Variants in RPSA2 observed in about 807,000 individuals in gnomAD.
The protein encoded by RPSA2 is small ribosomal subunit protein uS2B.
chr19:23,761,843 C>A, the RPSA2 span, among the ~76,000 whole-genome samples: 5 of 150,738 alleles, frequency 3.3e-5, no homozygotes, highest in African/African-American at 1.2e-4. Flanking sequence ...CCTGGAATAG[C>A]CACTTCACAT....
At chr19:23,818,702 G>A in the RPSA2 span, 1 of 152,274 alleles carries the variant, frequency 6.6e-6, no homozygotes, top group Non-Finnish European at 1.5e-5. Context: ...CTGGGCCATA[G>A]TATTGCATTA....
chr19:23,819,937 G>C, the RPSA2 span, among the ~76,000 whole-genome samples: 1 of 152,176 alleles, frequency 6.6e-6, no homozygotes, highest in East Asian at 1.9e-4. Context: ...GGCTATGAAT[G>C]CTGGTCCATT....
the RPSA2 span, among the ~76,000 whole-genome samples, chr19:23,777,277 C>T: frequency 6.6e-6 from 1 of 152,198 alleles, no homozygotes; most frequent in Non-Finnish European, 1.5e-5. Flanking sequence ...CCTGCCTAAA[C>T]CCTGCATACA....
At chr19:23,760,233 G>A in the RPSA2 span, among the ~76,000 whole-genome samples, 2 of 152,050 alleles carry the variant, frequency 1.3e-5, no homozygotes, top group African/African-American at 2.4e-5. Context: ...GAGGTGAAGC[G>A]AGCCCCCTAA....
At chr19:23,807,809 T>C in the RPSA2 span, 1 of 395,222 alleles carries the variant, frequency 2.5e-6, no homozygotes, top group Non-Finnish European at 5.0e-6. Flanking sequence ...ATATGTGTGT[T>C]TGTGTGTCTT....
chr19:23,846,976 A>C, the RPSA2 span, among the ~76,000 whole-genome samples: 148,908 of 152,234 alleles, frequency 0.98, 72,919 homozygotes, highest in Middle Eastern at 1. Context: ...GATGTTTTTT[A>C]TTCCTCAGAA....
At chr19:23,858,581 C>A in the RPSA2 span, among the ~76,000 whole-genome samples, 6 of 152,150 alleles carry the variant, frequency 3.9e-5, no homozygotes, top group South Asian at 8.3e-4. Context: ...AAGCAACACA[C>A]AAATTATTTC....
the RPSA2 span, among the ~76,000 whole-genome samples, chr19:23,846,758 G>T: frequency 5.3e-5 from 8 of 152,142 alleles, no homozygotes; most frequent in South Asian, 2.1e-4. Context: ...ATTTATAAAT[G>T]ACTAGATGCT....
chr19:23,808,760 C>G, the RPSA2 span: 50 of 911,940 alleles, frequency 5.5e-5, no homozygotes, highest in Non-Finnish European at 8.0e-5. Flanking sequence ...CTATCTGGAG[C>G]GAGAAAAAGA....
the RPSA2 span, among the ~76,000 whole-genome samples, chr19:23,863,540 G>A: frequency 2.2e-5 from 3 of 138,940 alleles, no homozygotes; most frequent in South Asian, 5.0e-4. Flanking sequence ...CTCCAGTCTG[G>A]GAGACAAGAG....
chr19:23,828,172 T>C, the RPSA2 span: 7 of 622,636 alleles, frequency 1.1e-5, no homozygotes, highest in Non-Finnish European at 2.0e-5. Context: ...TGACTACTTA[T>C]ATGACCATAT....
chr19:23,771,844 G>A, the RPSA2 span, among the ~76,000 whole-genome samples: 1 of 152,074 alleles, frequency 6.6e-6, no homozygotes, highest in Non-Finnish European at 1.5e-5. Context: ...CTAATACCTT[G>A]GTGATGTAAA....
the RPSA2 span, among the ~76,000 whole-genome samples, chr19:23,808,527 G>A: frequency 6.6e-6 from 1 of 152,134 alleles, no homozygotes; most frequent in South Asian, 2.1e-4. Flanking sequence ...AAATTGCTGA[G>A]ATTACAGGCG....
the RPSA2 span, among the ~76,000 whole-genome samples, chr19:23,812,129 T>C: frequency 1.3e-5 from 2 of 152,276 alleles, no homozygotes; most frequent in South Asian, 2.1e-4. Context: ...TATTGTCTTG[T>C]AGTTCTATAT....
At chr19:23,787,113 A>G in the RPSA2 span, among the ~76,000 whole-genome samples, 3 of 152,018 alleles carry the variant, frequency 2.0e-5, no homozygotes, top group South Asian at 2.1e-4. Flanking sequence ...TACACCCAGC[A>G]CCTAGCTTAT....
the RPSA2 span, chr19:23,809,359 A>C: frequency 6.6e-6 from 1 of 152,140 alleles, no homozygotes; most frequent in Non-Finnish European, 1.5e-5. Context: ...AGTTTATTGT[A>C]GTTTCATCTA....
the RPSA2 span, among the ~76,000 whole-genome samples, chr19:23,860,070 T>A: frequency 1.3e-5 from 2 of 152,276 alleles, no homozygotes; most frequent in Admixed American, 6.5e-5. Context: ...CTGAACACAT[T>A]GTCTTTTTTC....
At chr19:23,764,238 T>A in the RPSA2 span, among the ~76,000 whole-genome samples, 1 of 152,040 alleles carries the variant, frequency 6.6e-6, no homozygotes, top group African/African-American at 2.4e-5. Flanking sequence ...AAGCAGGACT[T>A]CTTCTAATCC....
the RPSA2 span, among the ~76,000 whole-genome samples, chr19:23,776,388 C>T: frequency 1.3e-5 from 2 of 152,166 alleles, no homozygotes; most frequent in African/African-American, 4.8e-5. Flanking sequence ...GGAGTTTTCT[C>T]TCCTGCTTTG....
Sources: allele counts gnomAD v4.1 joint callset (sites outside exome capture counted in the v4.1 genomes callset), GRCh38; gene constraint gnomAD v4.1.1; transcripts MANE v1.5; gene names NCBI Gene and HGNC (gene_info 2026-07-23, HGNC 2026-07-21).